Variants in PRKAR1B observed in about 807,000 individuals in gnomAD.
PRKAR1B encodes cAMP-dependent protein kinase type I-beta regulatory subunit.
Under a neutral mutation model 46.5 loss-of-function variants are expected in PRKAR1B, and 22 were observed. That is an observed-to-expected ratio of 0.47 (90% CI 0.34 to 0.68). The LOEUF (loss-of-function observed/expected upper bound fraction) is 0.68. Among genes scored for constraint, PRKAR1B ranks in the 30% least tolerant of loss-of-function variants. The pLI is 0.01. For synonymous variants in PRKAR1B, 259 were observed against 217.7 expected (o/e 1.19, Z -1.67); for missense variants, 445 against 535.6 (o/e 0.83, Z 1.67).
intron 4 of PRKAR1B, among the ~76,000 whole-genome samples, chr7:640,765 A>AACACACACACACACAC (rs71546454): frequency 7.4e-5 from 8 of 108,186 alleles, no homozygotes; most frequent in South Asian, 3.4e-4. Context: ...CTCTGTCTCA[A>AACACACACACACACAC]ACACACACAC....
At chr7:583,455 A>C (rs1780350195) in intron 8 of PRKAR1B, among the ~76,000 whole-genome samples, 1 of 115,898 alleles carries the variant, frequency 8.6e-6, no homozygotes, top group Admixed American at 8.2e-5. Context: ...ACTCACACCC[A>C]CTCACACACG....
intron 4 of PRKAR1B, among the ~76,000 whole-genome samples, chr7:659,744 C>T (rs1437397982): frequency 5.9e-5 from 9 of 152,114 alleles, no homozygotes; most frequent in African/African-American, 1.7e-4. Flanking sequence ...GACGGAGTCT[C>T]GCTCTGTCGC....
At chr7:596,835 C>T (rs537376265) in intron 6 of PRKAR1B, among the ~76,000 whole-genome samples, 3 of 152,380 alleles carry the variant, frequency 2.0e-5, no homozygotes, top group South Asian at 4.1e-4. Flanking sequence ...CCGAAGGAGC[C>T]GGGCGGCCTC....
intron 4 of PRKAR1B, among the ~76,000 whole-genome samples, chr7:619,469 G>A (rs560130386): frequency 1.1e-4 from 16 of 152,320 alleles, no homozygotes; most frequent in African/African-American, 3.4e-4. Context: ...CATACAAGTG[G>A]GAGCAGGACA....
At chr7:577,601 C>T (rs1779933976) in intron 9 of PRKAR1B, among the ~76,000 whole-genome samples, 1 of 152,180 alleles carries the variant, frequency 6.6e-6, no homozygotes, top group Non-Finnish European at 1.5e-5. Context: ...CTCAGGGAGG[C>T]CCCAGGCAGA....
intron 9 of PRKAR1B, among the ~76,000 whole-genome samples, chr7:577,289 G>GC (rs1779911240): frequency 1.3e-5 from 2 of 152,234 alleles, no homozygotes; most frequent in Non-Finnish European, 2.9e-5. Context: ...GCAGAGAGGT[G>GC]CCCTCCTTCT....
intron 1 of PRKAR1B, among the ~76,000 whole-genome samples, chr7:715,951 G>A (rs901895256): frequency 1.2e-4 from 18 of 152,030 alleles, no homozygotes; most frequent in Admixed American, 3.3e-4. Context: ...TCCTGACCTC[G>A]TGATCCGCCC....
chr7:568,113 C>A (rs1779284535), intron 9 of PRKAR1B, among the ~76,000 whole-genome samples: 1 of 152,216 alleles, frequency 6.6e-6, no homozygotes. Context: ...ACTCACTCCA[C>A]CTATGGCCTC....
intron 4 of PRKAR1B, among the ~76,000 whole-genome samples, chr7:676,441 C>T (rs977611935): frequency 3.3e-5 from 5 of 152,198 alleles, no homozygotes; most frequent in African/African-American, 7.2e-5. Context: ...ATCTCCCCAA[C>T]GAGGCTGTGA....
intron 8 of PRKAR1B, among the ~76,000 whole-genome samples, chr7:581,747 G>A (rs987215244): frequency 6.6e-6 from 1 of 151,802 alleles, no homozygotes; most frequent in Non-Finnish European, 1.5e-5. Flanking sequence ...ACAGGGTCTC[G>A]CTCTGTCACC....
chr7:645,704 A>G (rs918869966), intron 4 of PRKAR1B, among the ~76,000 whole-genome samples: 2 of 152,136 alleles, frequency 1.3e-5, no homozygotes, highest in Non-Finnish European at 2.9e-5. Context: ...TCCAGCCTCC[A>G]GGCCTGTGTT....
At position 727,147 on chromosome 7, in the gene PRKAR1B, C is replaced by T. The variant is rs1328465102; in HGVS notation, c.-23+63G>A. ...GCCCGAGGCCTGTGAGGAGCTGCGC[C>T]TGGCGCTTGTGCAGCTGCTGGGCCT... On this transcript the variant is annotated intron_variant, in intron 1 of 10. Coordinates refer to ENST00000537384, the MANE Select transcript of PRKAR1B (RefSeq NM_001164760.2). 4.8e-6 allele frequency: 6 copies of T among 1,259,788 alleles called. No individual in the cohort carries two copies. The South Asian group carries it at 6.7e-5, about 14-fold the overall frequency. 78.0% of individuals were successfully genotyped at this position (1,259,788 alleles called of 1,614,324 possible).
chr7:693,571 C>T (rs1473095126), intron 2 of PRKAR1B, among the ~76,000 whole-genome samples: 1 of 152,206 alleles, frequency 6.6e-6, no homozygotes, highest in Non-Finnish European at 1.5e-5. Flanking sequence ...CGCTGTGCTG[C>T]GTGTCAGGTG....
chr7:645,615 G>A (rs1466394647), intron 4 of PRKAR1B, among the ~76,000 whole-genome samples: 3 of 152,158 alleles, frequency 2.0e-5, no homozygotes, highest in Admixed American at 6.5e-5. Context: ...CAGCCGTCAC[G>A]GACAGGCTGT....
chr7:611,417 G>A (rs774864492), intron 4 of PRKAR1B, among the ~76,000 whole-genome samples: 4 of 152,254 alleles, frequency 2.6e-5, no homozygotes, highest in Non-Finnish European at 5.9e-5. Context: ...GGCCAGTGGT[G>A]CTGGGTCAGG....
At chr7:564,996 C>T (rs964215479) in intron 9 of PRKAR1B, 36 of 152,252 alleles carry the variant, frequency 2.4e-4, no homozygotes, top group African/African-American at 8.7e-4. Context: ...ATTCACCTGC[C>T]TGGCGACTTC....
chr7:706,929 G>A (rs1054629112), intron 2 of PRKAR1B, among the ~76,000 whole-genome samples: 1 of 152,326 alleles, frequency 6.6e-6, no homozygotes, highest in African/African-American at 2.4e-5. Context: ...TCCATCAGGG[G>A]CTTCTGCCCT....
intron 7 of PRKAR1B, among the ~76,000 whole-genome samples, chr7:585,234 C>A (rs1047737502): frequency 6.6e-6 from 1 of 152,166 alleles, no homozygotes; most frequent in South Asian, 2.1e-4. Flanking sequence ...AGCTGATGGG[C>A]CCTGGTGCAA....
chr7:652,329 G>T (rs543041478), intron 4 of PRKAR1B, among the ~76,000 whole-genome samples: 3 of 148,952 alleles, frequency 2.0e-5, no homozygotes, highest in Admixed American at 2.0e-4. Flanking sequence ...AACCCCTCTC[G>T]GAACACAGTT....
Sources: allele counts gnomAD v4.1 joint callset (sites outside exome capture counted in the v4.1 genomes callset), GRCh38; gene constraint gnomAD v4.1.1; transcripts MANE v1.5; gene names NCBI Gene and HGNC (gene_info 2026-07-23, HGNC 2026-07-21).